The following NELL2 variants were observed in gnomAD, a reference collection of about 807,000 sequenced individuals.
The protein encoded by NELL2 is protein kinase C-binding protein NELL2.
In NELL2, 41 loss-of-function variants were observed where a neutral mutation model predicts 109.6. The ratio of observed to expected loss-of-function variants is 0.37; its 90% CI spans 0.29 to 0.49. NELL2 has a LOEUF of 0.49. Among genes scored for constraint, NELL2 ranks in the 20% least tolerant of loss-of-function variants. The pLI is 0.98. For synonymous variants in NELL2, 355 were observed against 344.7 expected, an observed-to-expected ratio of 1.03 and a Z score of -0.33; for missense variants, 900 against 1,008.3, an observed-to-expected ratio of 0.89 and a Z score of 1.45.
intron 2 of NELL2, among the ~76,000 whole-genome samples, chr12:44,834,167 A>G (rs548959526): frequency 6.6e-6 from 1 of 152,300 alleles, no homozygotes; most frequent in African/African-American, 2.4e-5. Context: ...CATCAATAAT[A>G]TATTTCCTAT....
chr12:44,790,138 T>A (rs919334934), intron 3 of NELL2, among the ~76,000 whole-genome samples: 1 of 152,134 alleles, frequency 6.6e-6, no homozygotes, highest in Non-Finnish European at 1.5e-5. Flanking sequence ...CCTGGGAAAT[T>A]CATCATAAAA....
rs770900441 is a variant in NELL2, at chr12:44,607,200, T to C, written c.1632A>G (p.Pro544=). Residue 544 remains proline (P), a synonymous_variant, in exon 15 of 20, where the codon CCA becomes CCG. Transcript: ENST00000429094. ...CACAGCTGGGTCCAGTGAAGCCTTG[T>C]GGGCAGGCACACACATTAGCGGCAA... ...ACIAANVCAC[P]QGFTGPSCET... 3 of 1,612,786 alleles carry C rather than the reference T, an allele frequency of 1.9e-6. No individual in the cohort carries two copies. The highest frequency in any genetic ancestry group is 3.3e-5 in the Admixed American group (2 of 59,844).
At chr12:44,628,783 G>A (rs985344912) in intron 13 of NELL2, among the ~76,000 whole-genome samples, 9 of 152,122 alleles carry the variant, frequency 5.9e-5, no homozygotes, top group South Asian at 2.1e-4. Flanking sequence ...GGGATGACCC[G>A]GGTGACTAGC....
intron 9 of NELL2, among the ~76,000 whole-genome samples, chr12:44,736,563 G>A (rs1939665708): frequency 6.6e-6 from 1 of 151,570 alleles, no homozygotes; most frequent in Admixed American, 6.6e-5. Context: ...TTGTACATAT[G>A]TGCTTTCTTA....
intron 15 of NELL2, among the ~76,000 whole-genome samples, chr12:44,596,021 C>T (rs1455969016): frequency 6.6e-6 from 1 of 152,118 alleles, no homozygotes; most frequent in Non-Finnish European, 1.5e-5. Flanking sequence ...TCTGGGGTTA[C>T]CATACCTGAC....
At chr12:44,851,634 A>C (rs745777476) in intron 2 of NELL2, 8 of 152,210 alleles carry the variant, frequency 5.3e-5, no homozygotes, top group Non-Finnish European at 8.8e-5. Flanking sequence ...TAAACATAAG[A>C]GTGCTTTCAA....
intron 7 of NELL2, among the ~76,000 whole-genome samples, chr12:44,776,643 T>C (rs1224629683): frequency 6.6e-6 from 1 of 152,236 alleles, no homozygotes; most frequent in African/African-American, 2.4e-5. Flanking sequence ...TAAATAATCC[T>C]AGAACTGTAA....
chr12:44,636,726 A>T (rs984191349), intron 13 of NELL2, among the ~76,000 whole-genome samples: 14 of 152,150 alleles, frequency 9.2e-5, no homozygotes, highest in African/African-American at 3.1e-4. Context: ...TTCATCAGGG[A>T]TATTGGTCTG....
In NELL2 at chr12:44,776,153, G is replaced by A. The variant is rs376353237; in HGVS notation, c.763-3C>T. 1.9e-6 allele frequency: 3 copies of A among 1,613,158 alleles called. No homozygotes were observed. The African/African-American group carries it at 4.0e-5, about 22-fold the overall frequency. ...ATTCGCTGTTCAGCTCGAGACAGCT[G>A]TGGCACAAAAGAACGGGTTTTACAT... On this transcript the variant is annotated splice_region_variant and splice_polypyrimidine_tract_variant and intron_variant, in intron 7 of 19. Coordinates refer to ENST00000429094, the MANE Select transcript of NELL2 (RefSeq NM_001145108.2).
chr12:44,904,951 T>C (rs973401218), intron 1 of NELL2, among the ~76,000 whole-genome samples: 2 of 152,070 alleles, frequency 1.3e-5, no homozygotes, highest in African/African-American at 4.8e-5. Flanking sequence ...CTGGGCATTG[T>C]CCAGTGAGAG....
At position 44,779,761 on chromosome 12, in the gene NELL2, T is replaced by A; in HGVS notation, c.510-2A>T. 6.2e-7 allele frequency: 1 copy of A among 1,613,872 alleles called. No homozygotes were observed. The highest frequency in any genetic ancestry group is 8.5e-7 in the Non-Finnish European group (1 of 1,179,808). ...TTTTCTACTACCCTTTCATAAATTC[T>A]GCAAAAAAGAAACATCAAAGAAGGA... On this transcript the variant is annotated splice_acceptor_variant, in intron 4 of 19. Coordinates refer to ENST00000429094, the MANE Select transcript of NELL2 (RefSeq NM_001145108.2). LOFTEE classifies it high-confidence loss of function.
upstream of NELL2, chr12:44,876,794 G>A: frequency 7.2e-7 from 1 of 1,382,806 alleles, no homozygotes; most frequent in Non-Finnish European, 9.4e-7. Context: ...GGCGTGCGGA[G>A]GAAGGCCACC....
intron 12 of NELL2, among the ~76,000 whole-genome samples, chr12:44,686,988 G>A (rs1948739327): frequency 6.6e-6 from 1 of 152,184 alleles, no homozygotes; most frequent in Non-Finnish European, 1.5e-5. Context: ...GCAAGCCTGG[G>A]CAATGGTGGG....
At chr12:44,798,946 CTTTTTTTTTTTTTTTTTTTTT>C (rs1157006162) in intron 3 of NELL2, among the ~76,000 whole-genome samples, 1 of 77,434 alleles carries the variant, frequency 1.3e-5, no homozygotes, top group Admixed American at 1.6e-4. Context: ...ATGATTTCCA[CTTTTTTTTTTTTTTTTTTTTT>C]TTTTTTTTTG....
chr12:44,879,716 C>A (rs1406578178), upstream of NELL2, among the ~76,000 whole-genome samples: 1 of 152,002 alleles, frequency 6.6e-6, no homozygotes, highest in Admixed American at 6.6e-5. Flanking sequence ...ATTACTGATT[C>A]TTCTGATAAG....
intron 1 of NELL2, among the ~76,000 whole-genome samples, chr12:44,908,987 G>C (rs895765932): frequency 6.6e-6 from 1 of 151,660 alleles, no homozygotes; most frequent in African/African-American, 2.4e-5. Flanking sequence ...GAACACATAA[G>C]AACAGAGTAA....
intron 13 of NELL2, among the ~76,000 whole-genome samples, chr12:44,632,585 C>G (rs907125564): frequency 6.6e-6 from 1 of 151,932 alleles, no homozygotes; most frequent in African/African-American, 2.4e-5. Context: ...GTCTGACATA[C>G]TTGAGGCACT....
chr12:44,673,747 T>C (rs1029194088), intron 12 of NELL2, among the ~76,000 whole-genome samples: 1 of 152,206 alleles, frequency 6.6e-6, no homozygotes, highest in South Asian at 2.1e-4. Context: ...CCTTCTATAT[T>C]TGAAGCCAGC....
chr12:44,882,516 G>A lies in NELL2; in HGVS notation c.39-6616C>T, dbSNP rs529380448. On this transcript the variant is annotated intron_variant, in intron 1 of 20. Transcript: ENST00000333837. ...CATATACACACACACGCACACACAC[G>A]CACACATACATATATATCCTTATTT... is the stretch of plus-strand genomic sequence containing the variant. Among the ~76,000 whole-genome samples the A allele has an allele frequency of 2.9e-4, 43 of 149,662 alleles. 1 individual carries two copies. The highest frequency in any genetic ancestry group is 1.3e-3 in the Admixed American group (19 of 15,016).
Sources: allele counts gnomAD v4.1 joint callset (sites outside exome capture counted in the v4.1 genomes callset), GRCh38; gene constraint gnomAD v4.1.1; transcripts MANE v1.5; gene names NCBI Gene and HGNC (gene_info 2026-07-23, HGNC 2026-07-21).